The following NCAM1 variants were observed in gnomAD, a reference collection of about 807,000 sequenced individuals.
NCAM1 encodes the protein neural cell adhesion molecule 1, also known as antigen recognized by monoclonal antibody 5.1H11.
Under a neutral mutation model 109.8 loss-of-function variants are expected in NCAM1, and 14 were observed. The observed-to-expected ratio is 0.13, with a 90% CI of 0.08 to 0.20. The LOEUF is 0.20. Ranked by LOEUF, NCAM1 falls within the 10% of genes least tolerant of loss-of-function variation. NCAM1 has a pLI of 1.00. For synonymous variants in NCAM1, 418 were observed against 442.9 expected (o/e 0.94, Z 0.70); for missense variants, 774 against 1,109.9 (o/e 0.70, Z 4.30).
chr11:113,104,646 C>T (rs1555092213), intron 1 of NCAM1, among the ~76,000 whole-genome samples: 3 of 152,106 alleles, frequency 2.0e-5, no homozygotes, highest in African/African-American at 7.2e-5. Context: ...GTTAGCAAAC[C>T]ACCTCTGGTA....
intron 9 of NCAM1, 137 bp downstream of exon 9, chr11:113,221,462 A>G (rs534577188): frequency 3.5e-6 from 3 of 853,284 alleles, no homozygotes; most frequent in Middle Eastern, 2.2e-4. Flanking sequence ...GGTAGACATT[A>G]CTTAGCAATA....
intron 1 of NCAM1, among the ~76,000 whole-genome samples, chr11:113,011,701 G>T (rs1555074423): frequency 1.3e-5 from 2 of 152,176 alleles, no homozygotes; most frequent in African/African-American, 4.8e-5. Context: ...TGTAGCATAA[G>T]CAACCATAAA....
At chr11:113,069,696 A>G (rs973447642) in intron 1 of NCAM1, among the ~76,000 whole-genome samples, 1 of 152,204 alleles carries the variant, frequency 6.6e-6, no homozygotes, top group African/African-American at 2.4e-5. Flanking sequence ...GGCAATGGCT[A>G]TGGAGATGGA....
At chr11:113,053,291 C>G (rs1555082095) in intron 1 of NCAM1, among the ~76,000 whole-genome samples, 1 of 152,148 alleles carries the variant, frequency 6.6e-6, no homozygotes, top group Admixed American at 6.5e-5. Flanking sequence ...ACCACATTTT[C>G]TTTATCCAGT....
intron 7 of NCAM1, among the ~76,000 whole-genome samples, chr11:113,208,360 T>C (rs1216569491): frequency 6.6e-6 from 1 of 152,198 alleles, no homozygotes; most frequent in African/African-American, 2.4e-5. Flanking sequence ...AGACCAGAGA[T>C]GAACTAGCTC....
At chr11:113,254,539 G>C (rs535363263) in intron 15 of NCAM1, among the ~76,000 whole-genome samples, 1 of 152,194 alleles carries the variant, frequency 6.6e-6, no homozygotes, top group African/African-American at 2.4e-5. Flanking sequence ...CTCTTCCTTA[G>C]CCTTCTCTCT....
intron 1 of NCAM1, among the ~76,000 whole-genome samples, chr11:113,098,514 C>T (rs1359331145): frequency 6.6e-6 from 1 of 151,884 alleles, no homozygotes; most frequent in African/African-American, 2.4e-5. Context: ...AATGTAGAAC[C>T]CATGGATATG....
At chr11:113,128,907 G>GTGTGTC (rs1565453049) in intron 1 of NCAM1, among the ~76,000 whole-genome samples, 1 of 106,678 alleles carries the variant, frequency 9.4e-6, no homozygotes, top group African/African-American at 4.8e-5. Context: ...AGTTGTGAGG[G>GTGTGTC]TGTGTGTGTG....
chr11:113,125,546 CT>C (rs1941140095), intron 1 of NCAM1, among the ~76,000 whole-genome samples: 1 of 152,162 alleles, frequency 6.6e-6, no homozygotes, highest in East Asian at 1.9e-4. Flanking sequence ...CCTTTACACG[CT>C]ATTGGCTTTC....
rs1226588054 is a variant in NCAM1 at position 113,275,495 on chromosome 11, C to T, written c.*108C>T. On this transcript the variant is annotated 3_prime_UTR_variant, in exon 20 of 20. Coordinates refer to ENST00000316851, the MANE Select transcript of NCAM1 (RefSeq NM_181351.5). The stretch of plus-strand genomic sequence containing the variant: ...ACACGCACGCACACACACAAACACA[C>T]ATGCACACACACACATCTCATTTCT... 1.2e-5 allele frequency: 16 copies of T among 1,301,446 alleles called. No homozygotes were observed. The highest frequency in any genetic ancestry group is 1.6e-5 in the Non-Finnish European group (15 of 945,088). 80.6% of individuals were successfully genotyped at this position (1,301,446 alleles called of 1,614,324 possible).
intron 1 of NCAM1, among the ~76,000 whole-genome samples, chr11:113,136,315 T>A (rs1273820348): frequency 6.6e-6 from 1 of 152,124 alleles, no homozygotes; most frequent in Non-Finnish European, 1.5e-5. Context: ...TTATTCATAT[T>A]GGGAATTATA....
At chr11:113,188,515 A>G (rs1282615463) in intron 1 of NCAM1, among the ~76,000 whole-genome samples, 5 of 152,214 alleles carry the variant, frequency 3.3e-5, no homozygotes, top group African/African-American at 1.2e-4. Context: ...TATATTTCAA[A>G]ACATCCTGCA....
intron 1 of NCAM1, among the ~76,000 whole-genome samples, chr11:113,169,074 G>A (rs1555105763): frequency 6.7e-6 from 1 of 149,544 alleles, no homozygotes; most frequent in African/African-American, 2.5e-5. Context: ...GTGTGTGTCT[G>A]TGTGTGTGTG....
intron 1 of NCAM1, among the ~76,000 whole-genome samples, chr11:112,982,113 C>T (rs1368212434): frequency 6.6e-6 from 1 of 151,806 alleles, no homozygotes; most frequent in African/African-American, 2.4e-5. Flanking sequence ...TGGTTTTGTC[C>T]GGATTAACCA....
At chr11:113,209,695 A>G (rs1207583689) in intron 7 of NCAM1, among the ~76,000 whole-genome samples, 1 of 152,228 alleles carries the variant, frequency 6.6e-6, no homozygotes, top group Non-Finnish European at 1.5e-5. Flanking sequence ...GTCATTGCCA[A>G]GTTTACAAGA....
intron 1 of NCAM1, among the ~76,000 whole-genome samples, chr11:113,017,275 G>GTTTGTA (rs1952230565): frequency 2.6e-5 from 4 of 152,136 alleles, no homozygotes; most frequent in Admixed American, 2.6e-4. Context: ...AAATAAAACA[G>GTTTGTA]TTATTATACA....
chr11:113,223,089 T>G (rs1195659916), intron 9 of NCAM1, among the ~76,000 whole-genome samples: 4 of 152,100 alleles, frequency 2.6e-5, no homozygotes, highest in South Asian at 2.1e-4. Context: ...TTCATATTTT[T>G]GGGGAAAAAA....
At chr11:113,035,268 A>C (rs183395464) in intron 1 of NCAM1, among the ~76,000 whole-genome samples, 278 of 152,328 alleles carry the variant, frequency 1.8e-3, no homozygotes, top group South Asian at 8.3e-3. Flanking sequence ...TTTTCCCTTG[A>C]AACTCTTAAT....
At chr11:113,087,951 A>C (rs1388049220) in intron 1 of NCAM1, among the ~76,000 whole-genome samples, 1 of 152,190 alleles carries the variant, frequency 6.6e-6, no homozygotes, top group East Asian at 1.9e-4. Flanking sequence ...AGGCCAGTGC[A>C]GTGTTCTTTT....
Sources: gnomAD v4.1 joint callset for allele counts (sites outside exome capture counted in the v4.1 genomes callset) on GRCh38, gnomAD v4.1.1 for gene constraint, MANE v1.5 for transcripts, NCBI Gene and HGNC (gene_info 2026-07-23, HGNC 2026-07-21) for gene names.